Variants in LYPLAL1 observed in about 807,000 individuals in gnomAD.
The protein encoded by LYPLAL1 is lysophospholipase like 1.
In LYPLAL1, 23 loss-of-function variants were observed where a neutral mutation model predicts 19.7. The ratio of observed to expected loss-of-function variants is 1.17; its 90% confidence interval spans 0.84 to 1.65. The LOEUF (loss-of-function observed/expected upper bound fraction) is 1.65. Ranked by LOEUF, LYPLAL1 falls within the 40% of genes most tolerant of loss-of-function variation. The pLI, the probability that LYPLAL1 is intolerant of heterozygous loss-of-function variation, is 0.00. For synonymous variants in LYPLAL1, 119 were observed against 96.3 expected (o/e 1.24, Z -1.38); for missense variants, 355 against 279.4 (o/e 1.27, Z -1.93).
chr1:219,299,844 G>C, the LYPLAL1 span, among the ~76,000 whole-genome samples: 5 of 152,076 alleles, frequency 3.3e-5, 1 homozygote, highest in Admixed American at 1.3e-4. Flanking sequence ...GTTTTTTCTT[G>C]AAGCTGATTT....
intron 3 of LYPLAL1, among the ~76,000 whole-genome samples, chr1:219,204,145 G>A (rs953137276): frequency 1.3e-5 from 2 of 152,040 alleles, no homozygotes; most frequent in African/African-American, 4.8e-5. Flanking sequence ...GAAAAATGTT[G>A]ATTTTTTAAA....
chr1:219,292,887 A>G, the LYPLAL1 span, among the ~76,000 whole-genome samples: 8 of 152,184 alleles, frequency 5.3e-5, no homozygotes, highest in African/African-American at 1.2e-4. Flanking sequence ...GCTTCCTGGG[A>G]TAGGAGACAT....
the LYPLAL1 span, among the ~76,000 whole-genome samples, chr1:219,429,412 C>G: frequency 6.6e-6 from 1 of 152,172 alleles, no homozygotes. Context: ...AGTCCCAGCT[C>G]TTTGGGAGGC....
intron 3 of LYPLAL1, among the ~76,000 whole-genome samples, chr1:219,194,944 A>G (rs907035905): frequency 2.0e-5 from 3 of 152,098 alleles, no homozygotes; most frequent in Admixed American, 1.3e-4. Context: ...GCTGTAACAA[A>G]GTTTGTGTCT....
chr1:219,419,975 C>T, the LYPLAL1 span, among the ~76,000 whole-genome samples: 1 of 152,232 alleles, frequency 6.6e-6, no homozygotes, highest in African/African-American at 2.4e-5. Context: ...GCCAAAACCA[C>T]AGGGACCAGG....
chr1:219,393,718 A>G, the LYPLAL1 span, among the ~76,000 whole-genome samples: 1 of 151,560 alleles, frequency 6.6e-6, no homozygotes, highest in East Asian at 1.9e-4. Flanking sequence ...GTTTTTCAGT[A>G]ATTTAAAATC....
chr1:219,233,947 G>GA, the LYPLAL1 span, among the ~76,000 whole-genome samples: 1 of 152,156 alleles, frequency 6.6e-6, no homozygotes, highest in African/African-American at 2.4e-5. Context: ...TAGGGATTCT[G>GA]AAAAAAGAGA....
In LYPLAL1 at chr1:219,193,250, A is replaced by C; in HGVS notation, c.360A>C (p.Ile120=). 6.2e-7 allele frequency: 1 copy of C among 1,605,050 alleles called. No homozygotes were observed. The change falls in exon 3 of 5, where the codon ATA becomes ATC. Residue 120 remains isoleucine (I), a splice_region_variant and synonymous_variant. Coordinates refer to ENST00000366928, the MANE Select transcript of LYPLAL1 (RefSeq NM_138794.5). ...GCATCAAGAAGAACAGGATATTAATAGGTAAGACCTTTAAATGTTGGTAAT... is the reference window on the plus strand; with the variant it reads ...GCATCAAGAAGAACAGGATATTAATCGGTAAGACCTTTAAATGTTGGTAAT... The part of the protein sequence containing the change: ...KSGIKKNRIL[I]GGFSMGGCMA...
downstream of LYPLAL1, among the ~76,000 whole-genome samples, chr1:219,216,369 A>T (rs1659291008): frequency 6.6e-6 from 1 of 152,086 alleles, no homozygotes; most frequent in Non-Finnish European, 1.5e-5. Context: ...CTAAATATTC[A>T]CAAGTTTTGT....
At chr1:219,330,784 T>C in the LYPLAL1 span, among the ~76,000 whole-genome samples, 1 of 152,232 alleles carries the variant, frequency 6.6e-6, no homozygotes, top group Non-Finnish European at 1.5e-5. Context: ...CTGTATGTCC[T>C]CATTCTTTGC....
the LYPLAL1 span, among the ~76,000 whole-genome samples, chr1:219,341,336 A>C: frequency 6.6e-6 from 1 of 152,120 alleles, no homozygotes; most frequent in Non-Finnish European, 1.5e-5. Flanking sequence ...TCTAGAATAC[A>C]TGTACTTGCA....
At chr1:219,359,364 T>A in the LYPLAL1 span, among the ~76,000 whole-genome samples, 1 of 152,188 alleles carries the variant, frequency 6.6e-6, no homozygotes, top group Admixed American at 6.5e-5. Flanking sequence ...CTTTGACTAT[T>A]CCCAGTGTTA....
At chr1:219,343,362 T>A in the LYPLAL1 span, among the ~76,000 whole-genome samples, 1 of 152,280 alleles carries the variant, frequency 6.6e-6, no homozygotes, top group Admixed American at 6.5e-5. Context: ...CAGATGAGAA[T>A]GAAATGGATC....
At chr1:219,260,525 T>A in the LYPLAL1 span, among the ~76,000 whole-genome samples, 1 of 151,272 alleles carries the variant, frequency 6.6e-6, no homozygotes, top group Admixed American at 6.6e-5. Context: ...ATAAAATATA[T>A]CTTCTCAGAA....
At chr1:219,235,045 G>T in the LYPLAL1 span, among the ~76,000 whole-genome samples, 1 of 151,926 alleles carries the variant, frequency 6.6e-6, no homozygotes, top group Non-Finnish European at 1.5e-5. Flanking sequence ...TGTATATCTT[G>T]CATAACATAA....
chr1:219,423,573 CA>C, the LYPLAL1 span, among the ~76,000 whole-genome samples: 2 of 152,122 alleles, frequency 1.3e-5, no homozygotes, highest in Non-Finnish European at 2.9e-5. Flanking sequence ...TCTAATTGTC[CA>C]ATGAGACAAC....
chr1:219,233,537 G>A, the LYPLAL1 span, among the ~76,000 whole-genome samples: 13 of 152,296 alleles, frequency 8.5e-5, no homozygotes, highest in Admixed American at 3.3e-4. Context: ...GGAGGCTAAG[G>A]CAAGTGAGTC....
rs569798025 is a variant in LYPLAL1, at chr1:219,198,287, G to GA, written c.361+5044dup. ...CCAGTCAATTATAGGCACCAAAAAA[G>GA]AAAAAAAACTATTATTAAACATTTT... is the stretch of plus-strand genomic sequence containing the variant. On this transcript the variant is annotated intron_variant, in intron 3 of 4. Coordinates refer to ENST00000366928, the MANE Select transcript of LYPLAL1 (RefSeq NM_138794.5). 3.9e-4 allele frequency among the ~76,000 whole-genome samples: 59 copies of GA among 150,734 alleles called. 1 individual carries two copies. The East Asian group carries it at 8.9e-3, about 23-fold the overall frequency.
the LYPLAL1 span, among the ~76,000 whole-genome samples, chr1:219,416,371 A>G: frequency 5.3e-5 from 8 of 152,094 alleles, no homozygotes; most frequent in African/African-American, 1.9e-4. Context: ...GATTTGCCCA[A>G]TGTTTTTCTC....
Sources: allele counts gnomAD v4.1 joint callset (sites outside exome capture counted in the v4.1 genomes callset), GRCh38; gene constraint gnomAD v4.1.1; transcripts MANE v1.5; gene names NCBI Gene and HGNC (gene_info 2026-07-23, HGNC 2026-07-21).